The following PNP variants were observed in gnomAD, a reference collection of about 807,000 sequenced individuals.
PNP encodes the protein purine nucleoside phosphorylase.
Under a neutral mutation model 26.8 loss-of-function variants are expected in PNP, and 18 were observed. The ratio of observed to expected loss-of-function variants is 0.67; its 90% CI spans 0.46 to 1.00. PNP has a LOEUF of 1.00. Ranked by LOEUF, PNP falls within the 50% of genes least tolerant of loss-of-function variation. The pLI is 0.00. For missense variants in PNP, 320 were observed against 362.9 expected (o/e 0.88, Z 0.96); for synonymous variants, 116 against 124.8 (o/e 0.93, Z 0.47).
intron 2 of PNP, 57 bp downstream of exon 2, chr14:20,472,534 A>G (rs531192993): frequency 6.6e-7 from 1 of 1,525,860 alleles, no homozygotes; most frequent in African/African-American, 1.4e-5. Context: ...AATTCTGTGG[A>G]ACACAACCAA....
chr14:20,473,491 A>C (rs1594426746), intron 2 of PNP: 1 of 152,252 alleles, frequency 6.6e-6, no homozygotes, highest in Non-Finnish European at 1.5e-5. Flanking sequence ...CAGGTAATTA[A>C]GTTAGGGCAA....
At chr14:20,473,433 A>G (rs1370887662) in intron 2 of PNP, 1 of 152,218 alleles carries the variant, frequency 6.6e-6, no homozygotes, top group Non-Finnish European at 1.5e-5. Context: ...CTCTTCTTTA[A>G]GAAGCCAGAG....
rs904016404 is a variant in PNP at position 20,469,514 on chromosome 14, T to C, written c.-11T>C. 26 of 1,551,856 alleles carry C rather than the reference T, an allele frequency of 1.7e-5. No homozygotes were observed. The African/African-American group carries it at 3.6e-4, about 21-fold the overall frequency. On this transcript the variant is annotated 5_prime_UTR_variant, in exon 1 of 6. Transcript: ENST00000361505. ...CCGGAGCAGGCTCATCGAGAAGGCG[T>C]CTGCGAGACCATGGAGAACGGGTGA... is the stretch of plus-strand genomic sequence containing the variant.
chr14:20,476,884 C>A lies in PNP; in HGVS notation c.*283C>A. On this transcript the variant is annotated 3_prime_UTR_variant, in exon 6 of 6. Transcript: ENST00000361505. ...CACAAGAGCTGGAGCCCGTGCCCTA[C>A]CACACATCTGTGGAGATGCCCAGGA... 2.2e-6 allele frequency: 1 copy of A among 447,008 alleles called. No individual in the cohort carries two copies. The highest frequency in any genetic ancestry group is 4.6e-5 in the East Asian group (1 of 21,518). The allele number at this position is 447,008 out of a possible 1,614,324, so 27.7% of individuals were successfully genotyped here. A position where few individuals can be genotyped will look rare whatever the true frequency, so the allele number is the denominator to read the frequency against.
At position 20,472,290 on chromosome 14, in the gene PNP, A is replaced by T. The variant is rs117497269; in HGVS notation, c.12-18A>T. On this transcript the variant is annotated intron_variant, in intron 1 of 5. Transcript: ENST00000361505. The stretch of plus-strand genomic sequence containing the variant: ...TGGAATGGGAGCAGAATTCACCTTG[A>T]TATTTTTTCTCCCCCAGATACACCT... 5.1e-3 allele frequency: 8,143 copies of T among 1,610,304 alleles called. 72 individuals carry two copies. Among genetic ancestry groups the T allele is most frequent in the South Asian group, 0.019 (1,768 of 90,986 alleles).
intron 5 of PNP, among the ~76,000 whole-genome samples, chr14:20,476,119 G>A (rs1268597621): frequency 6.6e-6 from 1 of 151,996 alleles, no homozygotes; most frequent in African/African-American, 2.4e-5. Context: ...GACCACAGGC[G>A]TACACTACCA....
rs1882123453 is a variant in PNP at position 20,476,739 on chromosome 14, C to T, written c.*138C>T. On this transcript the variant is annotated 3_prime_UTR_variant, in exon 6 of 6. Coordinates refer to ENST00000361505, the MANE Select transcript of PNP (RefSeq NM_000270.4). ...AGATTCCTGTCCTTCACCTTTCCCA[C>T]TTTCTTCTACCAGACCCTTCTGGTG... 1 of 740,680 alleles carries T rather than the reference C, an allele frequency of 1.4e-6. No individual in the cohort carries two copies. 45.9% of individuals were successfully genotyped at this position (740,680 alleles called of 1,614,324 possible). A position where few individuals can be genotyped will look rare whatever the true frequency, so the allele number is the denominator to read the frequency against.
At chr14:20,475,766 G>A (rs995943424) in intron 5 of PNP, among the ~76,000 whole-genome samples, 7 of 152,096 alleles carry the variant, frequency 4.6e-5, no homozygotes, top group Non-Finnish European at 5.9e-5. Flanking sequence ...CATTACAGGC[G>A]CGACGCACTG....
In PNP at chr14:20,474,917, C is replaced by T; in HGVS notation, c.430C>T (p.Gln144Ter). Residue 144 changes from glutamine (Q) to a stop codon, truncating the protein, a stop_gained, in exon 4 of 6, where the codon CAG (glutamine) becomes TAG (stop). Transcript: ENST00000361505. LOFTEE classifies it high-confidence loss of function. ...TATCAACCTACCTGGTTTCAGTGGT[C>T]AGAACCCTCTCAGAGGGCCCAATGA... is the stretch of plus-strand genomic sequence containing the variant. Reference protein sequence around the residue: ...DHINLPGFSGQNPLRGPNDER... With the variant: ...DHINLPGFSG 2 of 1,614,088 alleles carry T rather than the reference C, an allele frequency of 1.2e-6. No individual in the cohort carries two copies. Among genetic ancestry groups the T allele is most frequent in the Non-Finnish European group, 8.5e-7 (1 of 1,180,028 alleles).
chr14:20,475,517 C>T (rs1882085083), intron 5 of PNP, among the ~76,000 whole-genome samples: 1 of 152,154 alleles, frequency 6.6e-6, no homozygotes, highest in Admixed American at 6.5e-5. Context: ...CGGAATGTCG[C>T]TGTGTTGCCC....
intron 5 of PNP, 65 bp downstream of exon 5, chr14:20,475,317 G>C: frequency 4.2e-6 from 6 of 1,417,864 alleles, no homozygotes; most frequent in African/African-American, 1.4e-5. Context: ...GAAGGGGAAG[G>C]AGTAGGAAAT....
At chr14:20,471,013 G>GGTTTT (rs1881973985) in intron 1 of PNP, among the ~76,000 whole-genome samples, 1 of 151,794 alleles carries the variant, frequency 6.6e-6, no homozygotes, top group Non-Finnish European at 1.5e-5. Flanking sequence ...TCCTAAACCT[G>GGTTTT]GTTTTATTTT....
Position 20,474,816 on chromosome 14 carries a change from C to T in PNP, c.329C>T (p.Thr110Ile). Residue 110 changes from threonine to isoleucine, a missense_variant, in exon 4 of 6, where the codon ACC (threonine) becomes ATC (isoleucine). Thr to Ile is a moderately conservative substitution (Grantham distance 89, BLOSUM62 -1). Coordinates refer to ENST00000361505, the MANE Select transcript of PNP (RefSeq NM_000270.4). ...VRVFHLLGVDTLVVTNAAGGL... is the reference protein window; with the variant it reads ...VRVFHLLGVDILVVTNAAGGL... The stretch of plus-strand genomic sequence containing the variant: ...GTTTTCCACCTTCTGGGTGTGGACA[C>T]CCTGGTAGTCACCAATGCAGCAGGA... 2 of 1,614,182 alleles carry T rather than the reference C, an allele frequency of 1.2e-6. No individual in the cohort carries two copies. Among genetic ancestry groups the T allele is most frequent in the Non-Finnish European group, 1.7e-6 (2 of 1,180,034 alleles).
intron 5 of PNP, 43 bp from the exon 6 acceptor site, chr14:20,476,341 T>C (rs774308308): frequency 5.6e-5 from 81 of 1,448,132 alleles, no homozygotes; most frequent in Middle Eastern, 4.2e-4. Flanking sequence ...AAAAGAGTTA[T>C]TTGAGGATCC....
rs1217040427 is a variant in PNP at position 20,476,447 on chromosome 14, C to A, written c.716C>A (p.Ser239Ter). ...TGTGGACTTCGAGTCTTTGGCTTCT[C>A]ACTCATCACTAACAAGGTCATCATG... is the stretch of plus-strand genomic sequence containing the variant. ...RHCGLRVFGF[S>*]LITNKVIMDY... The change falls in exon 6 of 6, where the codon TCA (serine) becomes TAA (stop). Residue 239 changes from serine (S) to a stop codon, truncating the protein, a stop_gained. Coordinates refer to ENST00000361505, the MANE Select transcript of PNP (RefSeq NM_000270.4). LOFTEE classifies it low-confidence loss of function (END_TRUNC). The A allele has an allele frequency of 6.2e-7, 1 of 1,614,194 alleles. No individual in the cohort carries two copies. The highest frequency in any genetic ancestry group is 8.5e-7 in the Non-Finnish European group (1 of 1,180,028).
chr14:20,471,197 ATTTTTTTTTT>A (rs397960222), intron 1 of PNP, among the ~76,000 whole-genome samples: 18 of 90,650 alleles, frequency 2.0e-4, no homozygotes, highest in African/African-American at 4.3e-4. Context: ...CGCCCGGCTA[ATTTTTTTTTT>A]TTTTTTTTTT....
intron 1 of PNP, among the ~76,000 whole-genome samples, chr14:20,471,191 C>G (rs890239361): frequency 7.2e-6 from 1 of 139,518 alleles, no homozygotes; most frequent in Non-Finnish European, 1.5e-5. Context: ...CCACCACGCC[C>G]GGCTAATTTT....
rs544510557 is a variant in PNP at position 20,475,102 on chromosome 14, C to T, written c.502C>T (p.Arg168Trp). 24 of 1,614,148 alleles carry T rather than the reference C, an allele frequency of 1.5e-5. No individual in the cohort carries two copies. The highest frequency in any genetic ancestry group is 5.3e-5 in the African/African-American group (4 of 75,010). Residue 168 changes from arginine to tryptophan, a missense_variant, in exon 5 of 6, where the codon CGG becomes TGG. Transcript: ENST00000361505. The stretch of plus-strand genomic sequence containing the variant: ...CCCTGCCATGTCTGATGCCTACGAC[C>T]GGACTATGAGGCAGAGGGCTCTCAG... ...RFPAMSDAYD[R>W]TMRQRALSTW...
In PNP at chr14:20,476,416, C is replaced by T. The variant is rs139364283; in HGVS notation, c.685C>T (p.Arg229Trp). ...MSTVPEVIVA[R>W]HCGLRVFGFS... ...TACAGTACCAGAAGTTATCGTTGCA[C>T]GGCACTGTGGACTTCGAGTCTTTGG... Residue 229 changes from arginine (R) to tryptophan (W), a missense_variant, in exon 6 of 6, where the codon CGG becomes TGG. Coordinates refer to ENST00000361505, the MANE Select transcript of PNP (RefSeq NM_000270.4). The T allele has an allele frequency of 2.8e-5, 45 of 1,614,008 alleles. No homozygotes were observed. The African/African-American group carries it at 4.3e-4, about 15-fold the overall frequency.
Sources: allele counts gnomAD v4.1 joint callset (sites outside exome capture counted in the v4.1 genomes callset), GRCh38; gene constraint gnomAD v4.1.1; transcripts MANE v1.5; gene names NCBI Gene and HGNC (gene_info 2026-07-23, HGNC 2026-07-21).